The following NOL4L variants were observed in gnomAD, a reference collection of about 807,000 sequenced individuals.
The protein encoded by NOL4L is nucleolar protein 4 like.
In NOL4L, 7 loss-of-function variants were observed where a neutral mutation model predicts 64.5. That is an observed-to-expected ratio of 0.11 (90% confidence interval 0.06 to 0.20). The LOEUF (loss-of-function observed/expected upper bound fraction) is 0.20, where lower values mean the gene tolerates loss of function less well. Ranked by LOEUF, NOL4L falls within the 10% of genes least tolerant of loss-of-function variation. NOL4L has a pLI of 1.00. For synonymous variants in NOL4L, 413 were observed against 401.0 expected (o/e 1.03, Z -0.36); for missense variants, 680 against 967.1 (o/e 0.70, Z 3.94).
At position 32,456,156 on chromosome 20, in the gene NOL4L, G is replaced by A. The variant is rs760792926; in HGVS notation, c.1081C>T (p.Arg361Trp). The change falls in exon 6 of 11, where the codon CGG becomes TGG. Residue 361 changes from arginine to tryptophan, a missense_variant. Coordinates refer to ENST00000621426, the MANE Select transcript of NOL4L (RefSeq NM_001256798.2). ...PSDGCGADGL[R>W]SRVKYGVKTT... ...TTCACCCCGTATTTGACGCGGCTCC[G>A]CAGCCCGTCGGCACCGCAGCCATCC... 109 of 1,567,116 alleles carry A rather than the reference G, an allele frequency of 7.0e-5. No homozygotes were observed. The highest frequency in any genetic ancestry group is 2.4e-5 in the East Asian group (1 of 42,526).
intron 1 of NOL4L, among the ~76,000 whole-genome samples, chr20:32,564,836 C>T (rs1263407165): frequency 1.3e-5 from 2 of 152,244 alleles, no homozygotes; most frequent in Non-Finnish European, 2.9e-5. Context: ...AGCCTGGGGC[C>T]AGGAGCCCTG....
intron 10 of NOL4L, among the ~76,000 whole-genome samples, chr20:32,448,845 A>G (rs972377449): frequency 1.1e-4 from 16 of 152,218 alleles, no homozygotes; most frequent in African/African-American, 2.7e-4. Context: ...TGTGGATTCA[A>G]GTCCTGCTCT....
intron 1 of NOL4L, chr20:32,573,727 C>T (rs146611703): frequency 6.8e-4 from 114 of 167,856 alleles, no homozygotes; most frequent in Non-Finnish European, 6.0e-4. Context: ...CTCCAGACCC[C>T]CACTGCTCTG....
At chr20:32,532,278 G>T (rs762750859) in intron 1 of NOL4L, 19 of 823,256 alleles carry the variant, frequency 2.3e-5, no homozygotes, top group Non-Finnish European at 2.8e-5. Flanking sequence ...GGCCTGGAGC[G>T]ACCAGAACTC....
At chr20:32,529,557 G>C (rs1314651736) in intron 1 of NOL4L, among the ~76,000 whole-genome samples, 7 of 152,194 alleles carry the variant, frequency 4.6e-5, no homozygotes, top group Admixed American at 4.6e-4. Context: ...TCACCCAGTA[G>C]CTTTCTCGAC....
chr20:32,541,047 ACT>A (rs2018647180), intron 1 of NOL4L, among the ~76,000 whole-genome samples: 1 of 148,374 alleles, frequency 6.7e-6, no homozygotes, highest in Non-Finnish European at 1.5e-5. Flanking sequence ...ACACACACAC[ACT>A]ATTCCCTCTG....
chr20:32,504,447 C>T (rs1481174466), intron 4 of NOL4L, among the ~76,000 whole-genome samples: 3 of 151,760 alleles, frequency 2.0e-5, no homozygotes, highest in Admixed American at 6.6e-5. Flanking sequence ...GTAGTCCCAG[C>T]TACTCGGGAG....
At chr20:32,462,586 A>G (rs982731551) in intron 5 of NOL4L, among the ~76,000 whole-genome samples, 1 of 139,626 alleles carries the variant, frequency 7.2e-6, no homozygotes, top group Non-Finnish European at 1.5e-5. Context: ...TCCGATTGGA[A>G]TTCTTCCTCC....
chr20:32,536,604 C>T (rs1453556624), intron 1 of NOL4L, among the ~76,000 whole-genome samples: 1 of 148,896 alleles, frequency 6.7e-6, no homozygotes, highest in African/African-American at 2.4e-5. Context: ...GCTGGAGCGG[C>T]TCGCGCGGGC....
chr20:32,520,769 G>T, intron 3 of NOL4L, 42 bp downstream of exon 3: 2 of 1,289,406 alleles, frequency 1.6e-6, no homozygotes, highest in African/African-American at 1.5e-5. Context: ...TCCACTCTTA[G>T]ATGGCCCCCG....
intron 4 of NOL4L, among the ~76,000 whole-genome samples, chr20:32,485,080 A>AAAAAAAAAAAAC (rs2016015776): frequency 6.8e-6 from 1 of 147,874 alleles, no homozygotes. Context: ...AAAAAAAAAA[A>AAAAAAAAAAAAC]AAAAAAACAA....
intron 4 of NOL4L, among the ~76,000 whole-genome samples, chr20:32,497,172 G>A (rs1478525882): frequency 6.6e-6 from 1 of 150,760 alleles, no homozygotes; most frequent in Non-Finnish European, 1.5e-5. Flanking sequence ...TTGATCTCCA[G>A]ACATCAGCTG....
intron 10 of NOL4L, 31 bp downstream of exon 10, chr20:32,452,205 G>A: frequency 6.7e-7 from 1 of 1,491,412 alleles, no homozygotes; most frequent in South Asian, 1.4e-5. Flanking sequence ...TGCTGGTCGG[G>A]AAGCCAGAGC....
rs2014384833 is a variant in NOL4L at position 32,464,604 on chromosome 20, GC to G, written c.842-8210del. Among the ~76,000 whole-genome samples, 1 of 152,218 alleles carries G rather than the reference GC, an allele frequency of 6.6e-6. No individual in the cohort carries two copies. The highest frequency in any genetic ancestry group is 2.4e-5 in the African/African-American group (1 of 41,452). ...GCCTCCTCTGCGTGTGCCCCTCAGT[GC>G]CCGGGCAGTGGGCGTTCCTGCTGAA... is the stretch of plus-strand genomic sequence containing the variant. On this transcript the variant is annotated intron_variant, in intron 5 of 10. Transcript: ENST00000621426. The surrounding 1 kb of genome is among the most constrained non-coding windows in gnomAD (Gnocchi z 5.6).
At chr20:32,476,738 C>T (rs1342397638) in intron 4 of NOL4L, among the ~76,000 whole-genome samples, 5 of 152,214 alleles carry the variant, frequency 3.3e-5, no homozygotes, top group East Asian at 1.9e-4. Context: ...CCTCGATCCA[C>T]GAGGGAGATG....
In NOL4L at chr20:32,447,186, A is replaced by G; in HGVS notation, c.*410T>C. On this transcript the variant is annotated 3_prime_UTR_variant, in exon 11 of 11. Transcript: ENST00000621426. ...AATAAATTACTAAGGGGAGAGGAAG[A>G]AAGGGTCCACTTTGCTTTTCTCAAT... The G allele has an allele frequency of 2.2e-6, 1 of 464,744 alleles. No individual in the cohort carries two copies. The highest frequency in any genetic ancestry group is 1.6e-5 in the South Asian group (1 of 64,220). The allele number at this position is 464,744 out of a possible 1,614,324, so 28.8% of individuals were successfully genotyped here.
At chr20:32,483,094 C>T (rs1283811406) in intron 4 of NOL4L, among the ~76,000 whole-genome samples, 3 of 149,496 alleles carry the variant, frequency 2.0e-5, no homozygotes, top group Non-Finnish European at 4.5e-5. Context: ...CCCCACAGTG[C>T]AGCCTTCATC....
At chr20:32,545,190 T>A (rs2018715121) in intron 1 of NOL4L, among the ~76,000 whole-genome samples, 1 of 152,230 alleles carries the variant, frequency 6.6e-6, no homozygotes, top group South Asian at 2.1e-4. Flanking sequence ...GGAGGATTGC[T>A]TGAGCCCAGG....
At chr20:32,584,133 G>GCACACACACACACACACACA (rs745461984) in intron 1 of NOL4L, among the ~76,000 whole-genome samples, 38 of 88,812 alleles carry the variant, frequency 4.3e-4, no homozygotes, top group African/African-American at 1.9e-3. Context: ...CTCCGCGCGC[G>GCACACACACACACACACACA]CACACACACA....
Sources: allele counts gnomAD v4.1 joint callset (sites outside exome capture counted in the v4.1 genomes callset), GRCh38; gene constraint gnomAD v4.1.1; non-coding constraint Gnocchi (gnomAD v3.1); transcripts MANE v1.5; gene names NCBI Gene and HGNC (gene_info 2026-07-23, HGNC 2026-07-21).